PTCHD4: variants seen among roughly 807,000 people sequenced by gnomAD.
PTCHD4 encodes patched domain-containing protein 4.
A neutral mutation model predicts 58.1 loss-of-function variants in PTCHD4; 33 were observed. The ratio of observed to expected loss-of-function variants is 0.57; its 90% CI spans 0.43 to 0.76. The LOEUF is 0.76. Among genes scored for constraint, PTCHD4 ranks in the 30% least tolerant of loss-of-function variants. The probability of loss-of-function intolerance (pLI) is 0.00; values close to 1 mark genes in which losing one functional copy is unlikely to be tolerated. For synonymous variants in PTCHD4, 478 were observed against 409.6 expected, an observed-to-expected ratio of 1.17 and a Z score of -2.02; for missense variants, 1,058 against 1,027.1, an observed-to-expected ratio of 1.03 and a Z score of -0.41.
intron 4 of PTCHD4, among the ~76,000 whole-genome samples, chr6:47,959,979 A>G (rs1767017045): frequency 6.6e-6 from 1 of 152,224 alleles, no homozygotes; most frequent in African/African-American, 2.4e-5. Context: ...TTAAGAAGAT[A>G]GTTGACTTTA....
rs1304067422 is a variant in PTCHD4, at chr6:47,862,581, T to G, written c.*15722A>C. Among the ~76,000 whole-genome samples the G allele has an allele frequency of 6.6e-6, 1 of 151,866 alleles. No individual in the cohort carries two copies. The highest frequency in any genetic ancestry group is 2.4e-5 in the African/African-American group (1 of 41,430). ...TTTAACTTGGTTTCCATTTGCTTAC[T>G]TCTCATTCCCTGAAATTGTACTGGG... On this transcript the variant is annotated 3_prime_UTR_variant, in exon 5 of 5. Transcript: ENST00000339488.
intron 4 of PTCHD4, among the ~76,000 whole-genome samples, chr6:47,936,287 T>C (rs1173061298): frequency 6.6e-6 from 1 of 152,196 alleles, no homozygotes; most frequent in African/African-American, 2.4e-5. Context: ...ATTTGATACA[T>C]AGAGGATGAT....
At chr6:48,090,614 G>GAAGGGGTT (rs1240059763) in intron 1 of PTCHD4, among the ~76,000 whole-genome samples, 3 of 152,088 alleles carry the variant, frequency 2.0e-5, no homozygotes, top group African/African-American at 7.2e-5. Flanking sequence ...TAAAATAACT[G>GAAGGGGTT]TTTCACGAGA....
chr6:48,073,838 C>T (rs1188221949), intron 1 of PTCHD4, among the ~76,000 whole-genome samples: 1 of 152,146 alleles, frequency 6.6e-6, no homozygotes, highest in African/African-American at 2.4e-5. Context: ...TTGCACTTAA[C>T]CTCCAGGGAG....
chr6:47,868,338 C>A lies in PTCHD4; in HGVS notation c.*9965G>T, dbSNP rs1158278427. Among the ~76,000 whole-genome samples the A allele has an allele frequency of 6.6e-6, 1 of 151,624 alleles. No homozygotes were observed. The highest frequency in any genetic ancestry group is 2.4e-5 in the African/African-American group (1 of 41,342). On this transcript the variant is annotated 3_prime_UTR_variant, in exon 5 of 5. Coordinates refer to ENST00000339488, the MANE Select transcript of PTCHD4 (RefSeq NM_001384253.1). Reference sequence around the variant, plus strand: ...AGTTATTACCAACAAACTTGAAATTCTTCCTTTATATGGGGCCTTATTATT... The same window carrying A: ...AGTTATTACCAACAAACTTGAAATTATTCCTTTATATGGGGCCTTATTATT...
chr6:48,019,209 G>T (rs1197942196), intron 3 of PTCHD4, among the ~76,000 whole-genome samples: 1 of 152,178 alleles, frequency 6.6e-6, no homozygotes, highest in Admixed American at 6.5e-5. Context: ...CAGCACAGGT[G>T]GAAAGAGGCA....
intron 3 of PTCHD4, among the ~76,000 whole-genome samples, chr6:48,025,688 A>C (rs1263020333): frequency 6.6e-6 from 1 of 152,272 alleles, no homozygotes; most frequent in South Asian, 2.1e-4. Context: ...TAGCCCTGTA[A>C]TTTGTTACAT....
chr6:47,863,319 G>C lies in PTCHD4; in HGVS notation c.*14984C>G, dbSNP rs537362282. 4.7e-4 allele frequency among the ~76,000 whole-genome samples: 71 copies of C among 151,906 alleles called. 1 individual carries two copies. The South Asian group carries it at 0.013, about 29-fold the overall frequency. On this transcript the variant is annotated 3_prime_UTR_variant, in exon 5 of 5. Transcript: ENST00000339488. ...AAGGACTGTCCTAGGGCCTCCAAAA[G>C]ACTTATGTAAGCAATGGGCTCAGAA...
In PTCHD4 at chr6:47,857,189, T is replaced by C. The variant is rs1285658537; in HGVS notation, c.*21114A>G. On this transcript the variant is annotated 3_prime_UTR_variant, in exon 5 of 5. Transcript: ENST00000339488. Reference sequence around the variant, plus strand: ...ACTGTTTCTTTCCTTTCAACAGTTTTGTCCCAAAGTGCTGCTAACTGTGTG... The same window carrying C: ...ACTGTTTCTTTCCTTTCAACAGTTTCGTCCCAAAGTGCTGCTAACTGTGTG... 2.6e-5 allele frequency among the ~76,000 whole-genome samples: 4 copies of C among 152,104 alleles called. No individual in the cohort carries two copies. Among genetic ancestry groups the C allele is most frequent in the African/African-American group, 7.2e-5 (3 of 41,440 alleles).
Position 47,964,573 on chromosome 6 carries a change from A to G in PTCHD4, c.898+44061T>C, listed in dbSNP as rs373916172. Among the ~76,000 whole-genome samples the G allele has an allele frequency of 1.1e-4, 16 of 152,282 alleles. No individual in the cohort carries two copies. In the East Asian group the frequency reaches 2.9e-3, roughly 28 times the overall value. On this transcript the variant is annotated intron_variant, in intron 4 of 4. Coordinates refer to ENST00000339488, the MANE Select transcript of PTCHD4 (RefSeq NM_001384253.1). ...TAATATATTAAATGACACTACTTGG[A>G]AGACTTTTATTTTATTTTTTCCTTT...
Position 48,038,663 on chromosome 6 carries a change from C to CAAA in PTCHD4, c.418-29552_418-29550dup, listed in dbSNP as rs11417903. ...CTGGGCGACAAGAGTAAGTCTGTCT[C>CAAA]AAAAAAAAAAAAAAAAAAGTGAATT... On this transcript the variant is annotated intron_variant, in intron 3 of 4. Coordinates refer to ENST00000339488, the MANE Select transcript of PTCHD4 (RefSeq NM_001384253.1). Among the ~76,000 whole-genome samples the CAAA allele has an allele frequency of 3.2e-3, 382 of 120,066 alleles. 7 individuals carry two copies. Among genetic ancestry groups the CAAA allele is most frequent in the Non-Finnish European group, 4.8e-3 (280 of 58,774 alleles). 78.8% of individuals were successfully genotyped at this position (120,066 alleles called of 152,430 possible). A position where few individuals can be genotyped will look rare whatever the true frequency, so the allele number is the denominator to read the frequency against.
chr6:47,880,283 G>A (rs778116382), intron 4 of PTCHD4, among the ~76,000 whole-genome samples: 17 of 152,170 alleles, frequency 1.1e-4, no homozygotes, highest in Admixed American at 8.5e-4. Flanking sequence ...GGCAGGGGCC[G>A]TTATTTGTGC....
intron 4 of PTCHD4, among the ~76,000 whole-genome samples, chr6:47,921,288 T>G (rs959257549): frequency 6.6e-6 from 1 of 152,220 alleles, no homozygotes; most frequent in Non-Finnish European, 1.5e-5. Flanking sequence ...TTTTGGTTAA[T>G]AGTACATTAC....
rs1017531084 is a variant in PTCHD4, at chr6:48,064,652, G to A, written c.417+3578C>T. Among the ~76,000 whole-genome samples, 11 of 152,062 alleles carry A rather than the reference G, an allele frequency of 7.2e-5. No individual in the cohort carries two copies. The South Asian group carries it at 8.3e-4, about 11-fold the overall frequency. ...TTTATAATAAAAGTAAGCCACAAAA[G>A]TTGAAAAAGTGATGATAATTTTGTG... On this transcript the variant is annotated intron_variant, in intron 3 of 4. Coordinates refer to ENST00000339488, the MANE Select transcript of PTCHD4 (RefSeq NM_001384253.1).
At chr6:48,108,457 T>G (rs1164288556) in intron 1 of PTCHD4, among the ~76,000 whole-genome samples, 1 of 150,630 alleles carries the variant, frequency 6.6e-6, no homozygotes, top group Admixed American at 6.6e-5. Flanking sequence ...TGTTGTGGGG[T>G]GGGGGGAGCG....
intron 4 of PTCHD4, among the ~76,000 whole-genome samples, chr6:47,955,385 A>C (rs997278219): frequency 6.6e-6 from 1 of 152,208 alleles, no homozygotes; most frequent in South Asian, 2.1e-4. Flanking sequence ...AAGGCTCTCG[A>C]ATTATGAGTC....
intron 4 of PTCHD4, among the ~76,000 whole-genome samples, chr6:47,885,852 T>A (rs2114111948): frequency 6.6e-6 from 1 of 152,310 alleles, no homozygotes; most frequent in Middle Eastern, 3.4e-3. Context: ...GGAGTCTCAC[T>A]CTTTCACCCA....
intron 4 of PTCHD4, among the ~76,000 whole-genome samples, chr6:47,995,908 A>G (rs929316884): frequency 1.3e-5 from 2 of 152,204 alleles, no homozygotes; most frequent in Admixed American, 6.5e-5. Context: ...TCTACCTTCC[A>G]TTATATTATG....
rs1763472318 is a variant in PTCHD4 at position 48,032,254 on chromosome 6, A to G, written c.418-23140T>C. Among the ~76,000 whole-genome samples, 3 of 152,302 alleles carry G rather than the reference A, an allele frequency of 2.0e-5. No homozygotes were observed. The East Asian group carries it at 5.8e-4, about 29-fold the overall frequency. ...CACAAATTTCCTGTTTCGTAGCCAG[A>G]CATCTGTAAAGATGGAAATAGTCAT... On this transcript the variant is annotated intron_variant, in intron 3 of 4. Coordinates refer to ENST00000339488, the MANE Select transcript of PTCHD4 (RefSeq NM_001384253.1).
Sources: allele counts gnomAD v4.1 joint callset (sites outside exome capture counted in the v4.1 genomes callset), GRCh38; gene constraint gnomAD v4.1.1; transcripts MANE v1.5; gene names NCBI Gene and HGNC (gene_info 2026-07-23, HGNC 2026-07-21).